Variants in VPS13D observed in about 807,000 individuals in gnomAD.
VPS13D encodes intermembrane lipid transfer protein VPS13D.
In VPS13D, 187 loss-of-function variants were observed where a neutral mutation model predicts 461.9. The ratio of observed to expected loss-of-function variants is 0.40; its 90% CI spans 0.36 to 0.46. The LOEUF (loss-of-function observed/expected upper bound fraction) is 0.46, where lower values mean the gene tolerates loss of function less well. VPS13D is among the 20% of genes least tolerant of loss of function. VPS13D has a pLI of 0.60. For missense variants in VPS13D, 4,711 were observed against 5,364.9 expected (o/e 0.88, Z 3.81); for synonymous variants, 1,951 against 1,986.3 (o/e 0.98, Z 0.47).
At position 12,281,342 on chromosome 1, in the gene VPS13D, G is replaced by A. The variant is rs528076955; in HGVS notation, c.4603-1363G>A. Among the ~76,000 whole-genome samples the A allele has an allele frequency of 1.7e-3, 264 of 152,276 alleles. 1 individual carries two copies. The highest frequency in any genetic ancestry group is 5.8e-3 in the African/African-American group (240 of 41,546). ...AAGCATTGCATTTGGGTGATACATT[G>A]TGTAGGTCTCTGTTCATCTAGTTTC... On this transcript the variant is annotated intron_variant, in intron 20 of 69. Transcript: ENST00000620676.
At chr1:12,296,499 G>T (rs766256949) in intron 24 of VPS13D, among the ~76,000 whole-genome samples, 8 of 152,002 alleles carry the variant, frequency 5.3e-5, no homozygotes, top group Non-Finnish European at 8.8e-5. Context: ...GCCTTTTTTA[G>T]AATCTTTTTC....
At chr1:12,467,331 C>G (rs566536491) in intron 67 of VPS13D, among the ~76,000 whole-genome samples, 1 of 152,170 alleles carries the variant, frequency 6.6e-6, no homozygotes, top group East Asian at 1.9e-4. Context: ...GCCACCTCGC[C>G]CAGCTAATTC....
intron 66 of VPS13D, among the ~76,000 whole-genome samples, chr1:12,457,812 C>T (rs1645349800): frequency 6.6e-6 from 1 of 152,180 alleles, no homozygotes; most frequent in Non-Finnish European, 1.5e-5. Flanking sequence ...AGACGTCAGG[C>T]CAGAAGTGAA....
intron 63 of VPS13D, among the ~76,000 whole-genome samples, chr1:12,404,492 G>A (rs1644624077): frequency 6.6e-6 from 1 of 152,122 alleles, no homozygotes; most frequent in South Asian, 2.1e-4. Context: ...CTGGGATATG[G>A]CCTTCTCTAC....
intron 67 of VPS13D, 73 bp downstream of exon 67, chr1:12,460,469 G>A: frequency 1.5e-6 from 2 of 1,313,784 alleles, no homozygotes; most frequent in East Asian, 2.7e-5. Context: ...CCATACTGAT[G>A]TGTTTAATTG....
At position 12,268,843 on chromosome 1, in the gene VPS13D, G is replaced by T; in HGVS notation, c.1939G>T (p.Asp647Tyr). The stretch of plus-strand genomic sequence containing the variant: ...TCCGCAGGCCATTAAAAAAGTAGCA[G>T]ACTTTTTCTACAAGGGAAAGGTTCA... ...YNPQAIKKVA[D>Y]FFYKGKVHTS... Residue 647 changes from aspartate (D) to tyrosine (Y), a missense_variant, in exon 16 of 70, where the codon GAC becomes TAC. Asp to Tyr is a radical substitution (Grantham distance 160, BLOSUM62 -3). Transcript: ENST00000620676. 6.2e-7 allele frequency: 1 copy of T among 1,613,110 alleles called. No homozygotes were observed. Among genetic ancestry groups the T allele is most frequent in the South Asian group, 1.1e-5 (1 of 90,836 alleles).
At chr1:12,318,469 C>T in intron 31 of VPS13D, 132 bp downstream of exon 31, 1 of 1,176,246 alleles carries the variant, frequency 8.5e-7, no homozygotes, top group Non-Finnish European at 1.2e-6. Flanking sequence ...TTTTACAGAC[C>T]TGCAAGCATC....
intron 67 of VPS13D, among the ~76,000 whole-genome samples, chr1:12,491,331 A>G (rs1428521399): frequency 6.6e-6 from 1 of 152,222 alleles, no homozygotes; most frequent in Non-Finnish European, 1.5e-5. Flanking sequence ...GCTGATAGAC[A>G]TTGGCCATGA....
At chr1:12,497,404 T>C (rs1400897073) in intron 67 of VPS13D, 96 bp from the exon 68 acceptor site, 4 of 1,413,794 alleles carry the variant, frequency 2.8e-6, no homozygotes, top group Non-Finnish European at 2.9e-6. Context: ...GTAAAGTATG[T>C]CTCGTATTAC....
chr1:12,441,158 G>A (rs987505689), intron 65 of VPS13D, among the ~76,000 whole-genome samples: 6 of 152,116 alleles, frequency 3.9e-5, no homozygotes, highest in Non-Finnish European at 7.4e-5. Context: ...AACTCCTGAC[G>A]TGAGGTGATC....
intron 25 of VPS13D, among the ~76,000 whole-genome samples, chr1:12,300,072 C>T (rs1426287403): frequency 1.3e-5 from 2 of 151,868 alleles, no homozygotes; most frequent in African/African-American, 4.8e-5. Flanking sequence ...AAACGTGTTT[C>T]CCTGAGTTTT....
At chr1:12,231,163 A>G (rs1012014556) in intron 1 of VPS13D, among the ~76,000 whole-genome samples, 3 of 152,108 alleles carry the variant, frequency 2.0e-5, no homozygotes, top group African/African-American at 7.2e-5. Context: ...ACTGATCCCT[A>G]CTGTCACCCG....
Position 12,281,186 on chromosome 1 carries a change from T to A in VPS13D, c.4603-1519T>A, listed in dbSNP as rs1641770295. ...TTCTTCTTACATAACCACAGTGGTA[T>A]TTCATGCCTTACAAAATTAATGAGC... On this transcript the variant is annotated intron_variant, in intron 20 of 69. Transcript: ENST00000620676. 1.3e-5 allele frequency among the ~76,000 whole-genome samples: 2 copies of A among 152,228 alleles called. 1 individual carries two copies. The highest frequency in any genetic ancestry group is 4.1e-4 in the South Asian group (2 of 4,838).
At chr1:12,501,094 T>C (rs932096180) in intron 68 of VPS13D, among the ~76,000 whole-genome samples, 7 of 151,984 alleles carry the variant, frequency 4.6e-5, no homozygotes, top group African/African-American at 1.4e-4. Context: ...TCCAAGAGTA[T>C]AGAAGAAAAT....
chr1:12,293,798 A>C, intron 24 of VPS13D, 94 bp downstream of exon 24: 1 of 1,313,192 alleles, frequency 7.6e-7, no homozygotes, highest in Non-Finnish European at 1.0e-6. Context: ...AGTAAAGGTA[A>C]GTTATCCTTG....
At chr1:12,361,371 TTTTA>T (rs926728174) in intron 50 of VPS13D, among the ~76,000 whole-genome samples, 164 of 141,918 alleles carry the variant, frequency 1.2e-3, no homozygotes, top group African/African-American at 1.2e-3. Context: ...TTATTTTTAT[TTTTA>T]TTTATTTATT....
At chr1:12,361,129 A>G (rs1464445900) in intron 50 of VPS13D, among the ~76,000 whole-genome samples, 3 of 152,204 alleles carry the variant, frequency 2.0e-5, no homozygotes, top group Admixed American at 6.5e-5. Context: ...TAATTAAAAT[A>G]TCTAACTTAG....
rs777891388 is a variant in VPS13D, at chr1:12,293,591, G to C, written c.5920G>C (p.Val1974Leu). The C allele has an allele frequency of 6.2e-7, 1 of 1,614,052 alleles. No individual in the cohort carries two copies. The highest frequency in any genetic ancestry group is 1.7e-5 in the Admixed American group (1 of 60,008). The change falls in exon 24 of 70, where the codon GTG becomes CTG. Residue 1974 changes from valine (V) to leucine (L), a missense_variant. Physicochemically the swap from Val to Leu is conservative, Grantham distance 32. Coordinates refer to ENST00000620676, the MANE Select transcript of VPS13D (RefSeq NM_015378.4). Reference protein sequence around the residue: ...DIRVSLRMASVQYVHTQRFQA... With the variant: ...DIRVSLRMASLQYVHTQRFQA... Reference sequence around the variant, plus strand: ...TCGCGTGAGCCTCCGGATGGCCTCTGTGCAGTATGTGCATACTCAGCGTTT... The same window carrying C: ...TCGCGTGAGCCTCCGGATGGCCTCTCTGCAGTATGTGCATACTCAGCGTTT...
chr1:12,369,223 G>A (rs911935187), intron 53 of VPS13D, among the ~76,000 whole-genome samples: 1 of 150,382 alleles, frequency 6.6e-6, no homozygotes, highest in Non-Finnish European at 1.5e-5. Context: ...ATATGTGTGT[G>A]TGTATCTGTG....
Sources: allele counts gnomAD v4.1 joint callset (sites outside exome capture counted in the v4.1 genomes callset), GRCh38; gene constraint gnomAD v4.1.1; transcripts MANE v1.5; gene names NCBI Gene and HGNC (gene_info 2026-07-23, HGNC 2026-07-21).